The following PRKAR1A variants were observed in gnomAD, a reference collection of about 807,000 sequenced individuals.
PRKAR1A encodes the protein protein kinase cAMP-dependent type I regulatory subunit alpha, also known as cAMP-dependent protein kinase type I-alpha regulatory subunit.
A neutral mutation model predicts 52.0 loss-of-function variants in PRKAR1A; 3 were observed. That is an observed-to-expected ratio of 0.06 (90% confidence interval 0.03 to 0.15). The LOEUF is 0.15. PRKAR1A is among the 10% of genes least tolerant of loss of function. The probability of loss-of-function intolerance (pLI) is 1.00; values close to 1 mark genes in which losing one functional copy is unlikely to be tolerated. For missense variants in PRKAR1A, 240 were observed against 477.4 expected (o/e 0.50, Z 4.63); for synonymous variants, 188 against 168.4 (o/e 1.12, Z -0.90).
the PRKAR1A span, among the ~76,000 whole-genome samples, chr17:68,450,294 C>G: frequency 6.6e-6 from 1 of 152,186 alleles, no homozygotes; most frequent in Non-Finnish European, 1.5e-5. Flanking sequence ...CAGGGAGCCC[C>G]CACTTCACTC....
chr17:68,434,536 G>T, the PRKAR1A span: 15 of 1,613,326 alleles, frequency 9.3e-6, no homozygotes, highest in Non-Finnish European at 1.2e-5. Context: ...TTTAAAATGG[G>T]TTTGACATTG....
intron 11 of PRKAR1A, among the ~76,000 whole-genome samples, chr17:68,538,786 T>C (rs754246991): frequency 2.2e-4 from 33 of 152,222 alleles, no homozygotes; most frequent in Admixed American, 2.1e-3. Context: ...AAGTTGGCAA[T>C]TGAAAGGTTT....
At chr17:68,475,189 C>A in the PRKAR1A span, among the ~76,000 whole-genome samples, 2 of 152,100 alleles carry the variant, frequency 1.3e-5, no homozygotes, top group Non-Finnish European at 2.9e-5. Flanking sequence ...ACTTCCTTAA[C>A]CTAATAAAAA....
chr17:68,456,695 GAGA>G, the PRKAR1A span, among the ~76,000 whole-genome samples: 2 of 152,240 alleles, frequency 1.3e-5, no homozygotes, highest in African/African-American at 2.4e-5. Flanking sequence ...CTTGGACTCC[GAGA>G]AGGAGATCCT....
the PRKAR1A span, among the ~76,000 whole-genome samples, chr17:68,469,232 T>TC: frequency 7.3e-4 from 111 of 152,260 alleles, 1 homozygote; most frequent in African/African-American, 2.5e-3. Context: ...CTTTTTTTTT[T>TC]CTCTCCTGTT....
At chr17:68,450,937 A>T in the PRKAR1A span, 1 of 1,579,500 alleles carries the variant, frequency 6.3e-7, no homozygotes, top group South Asian at 1.2e-5. Context: ...TGGATTGATC[A>T]CTTCCAAGAA....
the PRKAR1A span, among the ~76,000 whole-genome samples, chr17:68,488,366 T>C: frequency 6.6e-6 from 1 of 152,108 alleles, no homozygotes; most frequent in East Asian, 1.9e-4. Context: ...CTGATTGGCT[T>C]CTGGCCTGCT....
the PRKAR1A span, among the ~76,000 whole-genome samples, chr17:68,477,201 C>T: frequency 6.6e-6 from 1 of 152,114 alleles, no homozygotes. Context: ...CTTTATTCGT[C>T]ATGCATCAAA....
chr17:68,499,580 A>G, the PRKAR1A span, among the ~76,000 whole-genome samples: 1 of 152,244 alleles, frequency 6.6e-6, no homozygotes, highest in African/African-American at 2.4e-5. Flanking sequence ...CAGCTCACTA[A>G]TGACCATTAT....
intron 1 of PRKAR1A, chr17:68,515,156 A>G (rs2085390198): frequency 3.8e-6 from 2 of 524,582 alleles, no homozygotes; most frequent in Non-Finnish European, 6.9e-6. Context: ...AGCTGAGGTT[A>G]TCGACTCTCA....
At chr17:68,492,393 A>G in the PRKAR1A span, among the ~76,000 whole-genome samples, 1 of 152,114 alleles carries the variant, frequency 6.6e-6, no homozygotes, top group African/African-American at 2.4e-5. Flanking sequence ...GCAGACCCCA[A>G]GGTTCTTCCC....
the PRKAR1A span, chr17:68,413,684 T>C: frequency 6.3e-6 from 1 of 158,614 alleles, no homozygotes; most frequent in Non-Finnish European, 1.4e-5. Context: ...TAATCAAGCC[T>C]GGGCAATGGC....
chr17:68,438,030 G>GA, the PRKAR1A span, among the ~76,000 whole-genome samples: 1 of 142,456 alleles, frequency 7.0e-6, no homozygotes. Context: ...AAAAGTATAA[G>GA]AAAAAACTTT....
chr17:68,426,020 G>A, the PRKAR1A span: 3 of 1,450,160 alleles, frequency 2.1e-6, no homozygotes, highest in Admixed American at 3.4e-5. Flanking sequence ...TGAGGCGAAG[G>A]TTTCCTTCTA....
chr17:68,457,179 A>C, the PRKAR1A span, among the ~76,000 whole-genome samples: 72,183 of 151,790 alleles, frequency 0.48, 17,398 homozygotes, highest in South Asian at 0.51. Flanking sequence ...AACCCCACTG[A>C]AGGGGTACGG....
the PRKAR1A span, among the ~76,000 whole-genome samples, chr17:68,451,652 A>G: frequency 1.3e-5 from 2 of 152,268 alleles, no homozygotes; most frequent in South Asian, 4.1e-4. Context: ...TCTGCTTCAG[A>G]ATTCTTCTTG....
chr17:68,427,823 G>A, the PRKAR1A span, among the ~76,000 whole-genome samples: 1 of 152,180 alleles, frequency 6.6e-6, no homozygotes, highest in East Asian at 1.9e-4. Context: ...TGGCAGCTCT[G>A]GTGCCCTGGC....
chr17:68,414,854 AT>A, the PRKAR1A span, among the ~76,000 whole-genome samples: 1 of 151,850 alleles, frequency 6.6e-6, no homozygotes, highest in African/African-American at 2.4e-5. Flanking sequence ...GATCTTTTGT[AT>A]TTTTGTGATG....
At chr17:68,482,936 G>A in the PRKAR1A span, among the ~76,000 whole-genome samples, 1 of 152,298 alleles carries the variant, frequency 6.6e-6, no homozygotes, top group East Asian at 1.9e-4. Flanking sequence ...ATCATATCTG[G>A]ATGTGGCTAA....
Sources: allele counts gnomAD v4.1 joint callset (sites outside exome capture counted in the v4.1 genomes callset), GRCh38; gene constraint gnomAD v4.1.1; transcripts MANE v1.5; gene names NCBI Gene and HGNC (gene_info 2026-07-23, HGNC 2026-07-21).